Variants in NISCH observed in about 807,000 individuals in gnomAD.
NISCH encodes the protein nischarin.
NISCH carries 55 observed loss-of-function variants against 138.4 expected under a neutral mutation model. The ratio of observed to expected loss-of-function variants is 0.40; its 90% CI spans 0.32 to 0.50. The LOEUF (loss-of-function observed/expected upper bound fraction) is 0.50, where lower values mean the gene tolerates loss of function less well. Ranked by LOEUF, NISCH falls within the 20% of genes least tolerant of loss-of-function variation. NISCH has a pLI of 0.71. For missense variants in NISCH, 1,643 were observed against 2,005.5 expected (o/e 0.82, Z 3.45); for synonymous variants, 860 against 861.5 (o/e 1.00, Z 0.03).
intron 3 of NISCH, among the ~76,000 whole-genome samples, chr3:52,463,466 A>G (rs1706691710): frequency 6.6e-6 from 1 of 152,208 alleles, no homozygotes; most frequent in South Asian, 2.1e-4. Context: ...TTGGATATAT[A>G]GCCAAAAGTG....
chr3:52,476,233 TAATTCTA>T, intron 7 of NISCH: 1 of 574,400 alleles, frequency 1.7e-6, no homozygotes, highest in Non-Finnish European at 3.1e-6. Context: ...GGCCAGGACT[TAATTCTA>T]AGTGGCTGTT....
chr3:52,480,681 G>A (rs1005012104), intron 13 of NISCH: 1 of 1,421,920 alleles, frequency 7.0e-7, no homozygotes, highest in African/African-American at 1.4e-5. Flanking sequence ...TGACTTTACT[G>A]TCTGGAGCCC....
chr3:52,476,793 G>T lies in NISCH; in HGVS notation c.918+194G>T, dbSNP rs59840749. On this transcript the variant is annotated intron_variant, in intron 8 of 20. Transcript: ENST00000345716. ...TCACACCTGTAATCCCAGCACTTTGGGAGGCCGAGGCGGGAGGATCACTTG... is the reference window on the plus strand; with the variant it reads ...TCACACCTGTAATCCCAGCACTTTGTGAGGCCGAGGCGGGAGGATCACTTG... Among the ~76,000 whole-genome samples the T allele has an allele frequency of 1.8e-4, 27 of 152,330 alleles. No homozygotes were observed. In the East Asian group the frequency reaches 5.2e-3, roughly 29 times the overall value.
rs769537052 is a variant in NISCH at position 52,488,307 on chromosome 3, A to C, written c.2815A>C (p.Asn939His). 1.9e-6 allele frequency: 3 copies of C among 1,611,532 alleles called. No individual in the cohort carries two copies. Among genetic ancestry groups the C allele is most frequent in the African/African-American group, 1.3e-5 (1 of 74,926 alleles). ...NRGTHNCRNR[N>H]SFKLSRVPLS... is the part of the protein sequence containing the mutation. ...TGGCACCCACAACTGTCGCAACCGC[A>C]ACAGCTTCAAGCTCAGCCGTGTGCC... The change falls in exon 16 of 21, where the codon AAC (asparagine) becomes CAC (histidine). Residue 939 changes from asparagine (N) to histidine (H), a missense_variant. Transcript: ENST00000345716.
intron 20 of NISCH, 96 bp downstream of exon 20, chr3:52,491,609 A>C (rs747168405): frequency 3.5e-5 from 47 of 1,361,356 alleles, no homozygotes; most frequent in Non-Finnish European, 4.4e-5. Context: ...CTCTGCCTCT[A>C]TGTCTCTCTT....
rs762363420 is a variant in NISCH at position 52,487,961 on chromosome 3, C to T, written c.2469C>T (p.Ile823=). 18 of 1,611,884 alleles carry T rather than the reference C, an allele frequency of 1.1e-5. No homozygotes were observed. The South Asian group carries it at 1.5e-4, about 14-fold the overall frequency. Residue 823 remains isoleucine, a synonymous_variant, in exon 16 of 21, where the codon ATC becomes ATT. Coordinates refer to ENST00000345716, the MANE Select transcript of NISCH (RefSeq NM_007184.4). This position sits in a 1 kb window ranked among gnomAD's most constrained non-coding sequence, Gnocchi z 9.1. ...PQHMAMLCSP[I]LYGSHTSLQE... ...ACATGGCCATGCTGTGTAGCCCCAT[C>T]CTCTACGGCAGCCACACCAGCCTGC...
At position 52,487,539 on chromosome 3, in the gene NISCH, G is replaced by C; in HGVS notation, c.2047G>C (p.Ala683Pro). 6.2e-7 allele frequency: 1 copy of C among 1,609,542 alleles called. No individual in the cohort carries two copies. Among genetic ancestry groups the C allele is most frequent in the Non-Finnish European group, 8.5e-7 (1 of 1,176,706 alleles). Residue 683 changes from alanine (A) to proline (P), a missense_variant, in exon 16 of 21, where the codon GCC becomes CCC. By Grantham distance (27) the Ala-to-Pro change is conservative. Coordinates refer to ENST00000345716, the MANE Select transcript of NISCH (RefSeq NM_007184.4). The surrounding 1 kb of genome is among the most constrained non-coding windows in gnomAD (Gnocchi z 9.1). ...GGAGGAGGAAGAGGAGGATGAAGAG[G>C]CCGAGGAGGAGCGCCTGGCTCTGGA... ...EEEEEEEDEEAEEERLALEWA... is the reference protein window; with the variant it reads ...EEEEEEEDEEPEEERLALEWA...
chr3:52,481,499 A>T, intron 13 of NISCH: 1 of 985,498 alleles, frequency 1.0e-6, no homozygotes, highest in Non-Finnish European at 1.2e-6. Context: ...TATCACGGTG[A>T]GAAAGCTTCC....
chr3:52,485,181 G>A (rs750626375), intron 14 of NISCH, among the ~76,000 whole-genome samples: 1 of 152,200 alleles, frequency 6.6e-6, no homozygotes, highest in Non-Finnish European at 1.5e-5. Context: ...AAGCAAGGGT[G>A]CTTGCTGTGT....
intron 7 of NISCH, 54 bp downstream of exon 7, chr3:52,473,883 G>T: frequency 8.0e-7 from 1 of 1,247,694 alleles, no homozygotes. Context: ...AGGGTCCTGG[G>T]CTGTGGTCTC....
chr3:52,475,984 A>G (rs1342777361), intron 7 of NISCH: 1 of 158,628 alleles, frequency 6.3e-6, no homozygotes, highest in Non-Finnish European at 1.4e-5. Context: ...TTAAAAATGC[A>G]AAAATTAGCC....
In NISCH at chr3:52,487,673, C is replaced by T. The variant is rs770996311; in HGVS notation, c.2181C>T (p.Ala727=). The change falls in exon 16 of 21, where the codon GCC becomes GCT. Residue 727 remains alanine, a synonymous_variant. Coordinates refer to ENST00000345716, the MANE Select transcript of NISCH (RefSeq NM_007184.4). This position sits in a 1 kb window ranked among gnomAD's most constrained non-coding sequence, Gnocchi z 9.1. ...HVQGSIRQFA[A]CLVLTDFGIA... ...AGGGCAGTATCCGCCAGTTCGCCGC[C>T]TGCCTTGTGCTCACCGACTTCGGCA... 3 of 1,613,824 alleles carry T rather than the reference C, an allele frequency of 1.9e-6. No individual in the cohort carries two copies. The highest frequency in any genetic ancestry group is 2.5e-6 in the Non-Finnish European group (3 of 1,180,016).
chr3:52,466,190 A>G (rs533829117), intron 3 of NISCH, among the ~76,000 whole-genome samples: 36 of 152,172 alleles, frequency 2.4e-4, no homozygotes, highest in Non-Finnish European at 4.8e-4. Flanking sequence ...GAATCCATCA[A>G]TGGGGAATTT....
At chr3:52,486,421 A>C (rs1036002491) in intron 15 of NISCH, 1 of 150,380 alleles carries the variant, frequency 6.6e-6, no homozygotes, top group Non-Finnish European at 1.5e-5. Flanking sequence ...TGGCTAGAAT[A>C]ACAGTTACTT....
intron 13 of NISCH, chr3:52,480,839 T>G: frequency 6.5e-7 from 1 of 1,529,898 alleles, no homozygotes; most frequent in Non-Finnish European, 8.7e-7. Flanking sequence ...GTCTGCCCAC[T>G]ATCTTAGCGT....
chr3:52,478,583 C>A lies in NISCH; in HGVS notation c.1302+6C>A, dbSNP rs763480079. ...TCGGAGAGAGGGCCTCAGAGGTGAG[C>A]CCCAGCACAGTCAGAAGAGCCCAGG... On this transcript the variant is annotated splice_donor_region_variant and intron_variant, in intron 11 of 20. Coordinates refer to ENST00000345716, the MANE Select transcript of NISCH (RefSeq NM_007184.4). 6.2e-7 allele frequency: 1 copy of A among 1,613,802 alleles called. No individual in the cohort carries two copies. Among genetic ancestry groups the A allele is most frequent in the Non-Finnish European group, 8.5e-7 (1 of 1,179,748 alleles).
At chr3:52,473,875 G>C (rs545977927) in intron 7 of NISCH, 46 bp downstream of exon 7, 5 of 1,354,456 alleles carry the variant, frequency 3.7e-6, no homozygotes, top group African/African-American at 2.9e-5. Flanking sequence ...TGTGGATCAG[G>C]GTCCTGGGCT....
In NISCH at chr3:52,484,496, C is replaced by CCCCCCCCCCCCCCCCCCTT; in HGVS notation, c.1529-17_1529-16insCCCCCCCCCCCCCCCCCTT. The CCCCCCCCCCCCCCCCCCTT allele has an allele frequency of 6.3e-7, 1 of 1,592,810 alleles. No individual in the cohort carries two copies. The highest frequency in any genetic ancestry group is 8.6e-7 in the Non-Finnish European group (1 of 1,167,748). ...CACCCACCCTGCCTGCCTGCCCACC[C>CCCCCCCCCCCCCCCCCCTT]GCCCTGGTCTCTCCAGGAATCATGT... On this transcript the variant is annotated splice_polypyrimidine_tract_variant and intron_variant, in intron 13 of 20. Transcript: ENST00000345716.
In NISCH at chr3:52,487,860, A is replaced by G. The variant is rs774838194; in HGVS notation, c.2368A>G (p.Thr790Ala). The G allele has an allele frequency of 1.3e-5, 21 of 1,608,214 alleles. No individual in the cohort carries two copies. Among genetic ancestry groups the G allele is most frequent in the Non-Finnish European group, 1.7e-5 (20 of 1,178,572 alleles). ...LVLKVRHSEN[T>A]LFIISDAANL... ...GCTCAAGGTACGGCACAGTGAGAAC[A>G]CGCTCTTCATTATCTCGGACGCCGC... Residue 790 changes from threonine (T) to alanine (A), a missense_variant, in exon 16 of 21, where the codon ACG becomes GCG. Transcript: ENST00000345716. This position sits in a 1 kb window ranked among gnomAD's most constrained non-coding sequence, Gnocchi z 9.1.
Sources: gnomAD v4.1 joint callset for allele counts (sites outside exome capture counted in the v4.1 genomes callset) on GRCh38, gnomAD v4.1.1 for gene constraint, Gnocchi (gnomAD v3.1) non-coding constraint, MANE v1.5 for transcripts, NCBI Gene and HGNC (gene_info 2026-07-23, HGNC 2026-07-21) for gene names.